Variants in SLC8A1 observed in about 807,000 individuals in gnomAD.
SLC8A1 encodes solute carrier family 8 member A1.
A neutral mutation model predicts 68.3 loss-of-function variants in SLC8A1; 18 were observed. That is an observed-to-expected ratio of 0.26 (90% CI 0.18 to 0.39). The LOEUF is 0.39. Among genes scored for constraint, SLC8A1 ranks in the 10% least tolerant of loss-of-function variants. SLC8A1 has a pLI of 1.00. For missense variants in SLC8A1, 985 were observed against 1,156.7 expected, an observed-to-expected ratio of 0.85 and a Z score of 2.15; for synonymous variants, 475 against 415.5, an observed-to-expected ratio of 1.14 and a Z score of -1.74.
intron 2 of SLC8A1, among the ~76,000 whole-genome samples, chr2:40,418,757 G>A (rs921740716): frequency 6.6e-6 from 1 of 152,176 alleles, no homozygotes; most frequent in African/African-American, 2.4e-5. Context: ...GATTTGAGTT[G>A]TTCCTAATCT....
intron 1 of SLC8A1, among the ~76,000 whole-genome samples, chr2:40,465,837 T>C (rs1252984325): frequency 6.6e-6 from 1 of 152,194 alleles, no homozygotes; most frequent in Non-Finnish European, 1.5e-5. Flanking sequence ...GAGGTGGGGC[T>C]GCATTGGAAG....
intron 2 of SLC8A1, among the ~76,000 whole-genome samples, chr2:40,258,693 T>A (rs2064275842): frequency 6.6e-6 from 1 of 151,896 alleles, no homozygotes; most frequent in African/African-American, 2.4e-5. Context: ...AATACAAAAA[T>A]TAGCCAGGTG....
At chr2:40,252,876 A>G (rs566955063) in intron 2 of SLC8A1, among the ~76,000 whole-genome samples, 8 of 110,522 alleles carry the variant, frequency 7.2e-5, no homozygotes, top group African/African-American at 3.1e-4. Context: ...TTCCAATAAT[A>G]TATATTTTGA....
intron 1 of SLC8A1, among the ~76,000 whole-genome samples, chr2:40,501,172 A>G (rs1339533651): frequency 1.3e-5 from 2 of 151,718 alleles, no homozygotes; most frequent in Admixed American, 1.3e-4. Flanking sequence ...CTCAAATTTT[A>G]TTTCCTGTGA....
intron 2 of SLC8A1, among the ~76,000 whole-genome samples, chr2:40,249,147 C>T (rs1226798864): frequency 2.0e-5 from 3 of 152,168 alleles, no homozygotes; most frequent in Non-Finnish European, 4.4e-5. Flanking sequence ...AAGATCTGCA[C>T]TACTTTGTCG....
At chr2:40,356,891 C>T (rs1310651902) in intron 2 of SLC8A1, among the ~76,000 whole-genome samples, 3 of 152,148 alleles carry the variant, frequency 2.0e-5, no homozygotes, top group African/African-American at 4.8e-5. Flanking sequence ...TCTCCTTAAG[C>T]CTCAATTATA....
At chr2:40,356,673 C>T (rs1394023653) in intron 2 of SLC8A1, among the ~76,000 whole-genome samples, 1 of 151,800 alleles carries the variant, frequency 6.6e-6, no homozygotes, top group Non-Finnish European at 1.5e-5. Flanking sequence ...CACGTATGGC[C>T]CCATGCAGAG....
intron 2 of SLC8A1, among the ~76,000 whole-genome samples, chr2:40,200,242 A>T (rs1573964751): frequency 2.3e-4 from 3 of 13,246 alleles, no homozygotes; most frequent in South Asian, 2.6e-3. Context: ...ATATATAAAT[A>T]TATATATATA....
At chr2:40,322,183 C>T (rs2075280527) in intron 2 of SLC8A1, among the ~76,000 whole-genome samples, 1 of 152,104 alleles carries the variant, frequency 6.6e-6, no homozygotes, top group African/African-American at 2.4e-5. Context: ...TGTGGTTTTG[C>T]ATAGTAAGAA....
intron 2 of SLC8A1, among the ~76,000 whole-genome samples, chr2:40,253,973 C>T (rs2063444971): frequency 6.9e-6 from 1 of 144,182 alleles, no homozygotes; most frequent in African/African-American, 2.6e-5. Flanking sequence ...AGGGTGACTA[C>T]AGTTAATAAT....
At chr2:40,195,097 CA>C (rs2052694724) in intron 2 of SLC8A1, among the ~76,000 whole-genome samples, 1 of 152,052 alleles carries the variant, frequency 6.6e-6, no homozygotes, top group African/African-American at 2.4e-5. Flanking sequence ...GGACTGATCA[CA>C]AGAAGAATGT....
chr2:40,382,760 T>A (rs888216065), intron 2 of SLC8A1, among the ~76,000 whole-genome samples: 2 of 152,134 alleles, frequency 1.3e-5, no homozygotes, highest in Non-Finnish European at 2.9e-5. Flanking sequence ...CTTTAATTGT[T>A]CTACTAAAAT....
intron 2 of SLC8A1, among the ~76,000 whole-genome samples, chr2:40,393,628 G>A (rs772394662): frequency 2.0e-5 from 3 of 152,028 alleles, no homozygotes; most frequent in Non-Finnish European, 4.4e-5. Flanking sequence ...ATATGAGGGT[G>A]CTCCCAGCAA....
At chr2:40,233,814 T>G (rs953365086) in intron 2 of SLC8A1, among the ~76,000 whole-genome samples, 4 of 151,936 alleles carry the variant, frequency 2.6e-5, no homozygotes, top group African/African-American at 9.7e-5. Flanking sequence ...TTTCTACATA[T>G]GGCTAGCCAG....
Position 40,189,351 on chromosome 2 carries a change from C to T in SLC8A1, c.1809-11496G>A, listed in dbSNP as rs1284105760. On this transcript the variant is annotated intron_variant, in intron 2 of 7. Transcript: ENST00000406785. ...TATGTTTATTATCGAGACGGAGTCT[C>T]GCTCTGTCGCCCAGTCTGTAGTGCA... Among the ~76,000 whole-genome samples the T allele has an allele frequency of 3.9e-5, 6 of 152,196 alleles. 1 individual carries two copies. The South Asian group carries it at 1.0e-3, about 26-fold the overall frequency.
intron 2 of SLC8A1, among the ~76,000 whole-genome samples, chr2:40,423,521 A>G (rs1471708580): frequency 6.6e-6 from 1 of 152,062 alleles, no homozygotes; most frequent in Non-Finnish European, 1.5e-5. Flanking sequence ...CTAACCCAGT[A>G]AAGCAATCAG....
chr2:40,266,364 C>T (rs997278082), intron 2 of SLC8A1, among the ~76,000 whole-genome samples: 6 of 152,078 alleles, frequency 3.9e-5, no homozygotes, highest in Non-Finnish European at 8.8e-5. Context: ...CACTCTGAAG[C>T]CCCTAGTTTA....
chr2:40,479,050 G>A (rs1704471514), intron 1 of SLC8A1, among the ~76,000 whole-genome samples: 1 of 152,168 alleles, frequency 6.6e-6, no homozygotes. Flanking sequence ...GGGATTACAG[G>A]CGTGAGCCAC....
At chr2:40,402,598 C>T (rs868757838) in intron 2 of SLC8A1, among the ~76,000 whole-genome samples, 3 of 152,184 alleles carry the variant, frequency 2.0e-5, no homozygotes, top group Non-Finnish European at 1.5e-5. Context: ...TTGATTGAAA[C>T]ATAGGTGATA....
Sources: gnomAD v4.1 joint callset for allele counts (sites outside exome capture counted in the v4.1 genomes callset) on GRCh38, gnomAD v4.1.1 for gene constraint, MANE v1.5 for transcripts, NCBI Gene and HGNC (gene_info 2026-07-23, HGNC 2026-07-21) for gene names.